Variants in PRSS50 observed in about 807,000 individuals in gnomAD.
PRSS50 encodes probable threonine protease PRSS50.
In PRSS50, 23 loss-of-function variants were observed where a neutral mutation model predicts 34.2. The observed-to-expected ratio is 0.67, with a 90% CI of 0.48 to 0.95. The LOEUF (loss-of-function observed/expected upper bound fraction) is 0.95, where lower values mean the gene tolerates loss of function less well. Ranked by LOEUF, PRSS50 falls within the 40% of genes least tolerant of loss-of-function variation. The probability of loss-of-function intolerance (pLI) is 0.00; values close to 1 mark genes in which losing one functional copy is unlikely to be tolerated. For missense variants in PRSS50, 484 were observed against 513.4 expected (o/e 0.94, Z 0.55); for synonymous variants, 224 against 211.2 (o/e 1.06, Z -0.53).
rs149792396 is a variant in PRSS50, at chr3:46,714,244, G to A, written c.728C>T (p.Thr243Met). Residue 243 changes from threonine to methionine, a missense_variant, in exon 4 of 6, where the codon ACG (threonine) becomes ATG (methionine). Physicochemically the swap from Thr to Met is moderately conservative, Grantham distance 81. Coordinates refer to ENST00000315170, the MANE Select transcript of PRSS50 (RefSeq NM_013270.5). ...GTCAGCCTTGGAAAGTCCCCAGCCC[G>A]TCACAGTGCAGCGGGAATGGTCCTT... Reference protein sequence around the residue: ...VLKDHSRCTVTGWGLSKADGM... With the variant: ...VLKDHSRCTVMGWGLSKADGM... 7.7e-5 allele frequency: 124 copies of A among 1,613,962 alleles called. No individual in the cohort carries two copies. The highest frequency in any genetic ancestry group is 1.6e-4 in the Middle Eastern group (1 of 6,084).
chr3:46,712,274 A>G lies in PRSS50; in HGVS notation c.1130T>C (p.Leu377Pro). Residue 377 changes from leucine to proline, a missense_variant, in exon 6 of 6, where the codon CTG (leucine) becomes CCG (proline). By Grantham distance (98) the Leu-to-Pro change is moderately conservative. Coordinates refer to ENST00000315170, the MANE Select transcript of PRSS50 (RefSeq NM_013270.5). Reference sequence around the variant, plus strand: ...GAGGGCAGCAAGGAGGCTGAGGGGCAGTGGGAGTGCCAGGAGCAGGGTCCT... The same window carrying G: ...GAGGGCAGCAAGGAGGCTGAGGGGCGGTGGGAGTGCCAGGAGCAGGGTCCT... The part of the protein sequence containing the change: ...PSRTLLLALP[L>P]PLSLLAAL The G allele has an allele frequency of 6.2e-7, 1 of 1,611,556 alleles. No homozygotes were observed. Among genetic ancestry groups the G allele is most frequent in the Non-Finnish European group, 8.5e-7 (1 of 1,178,964 alleles).
intron 5 of PRSS50, 58 bp downstream of exon 5, chr3:46,712,843 C>T: frequency 2.5e-6 from 4 of 1,584,546 alleles, no homozygotes; most frequent in Non-Finnish European, 3.5e-6. Context: ...CTCTCCCTCC[C>T]CAGATGCCTC....
chr3:46,714,570 T>TC (rs1372505382), intron 3 of PRSS50, 69 bp from the exon 4 acceptor site: 1 of 1,456,538 alleles, frequency 6.9e-7, no homozygotes, highest in East Asian at 2.5e-5. Flanking sequence ...GCCTGGGCCT[T>TC]CCCCCACTCT....
chr3:46,713,010 T>C lies in PRSS50; in HGVS notation c.812A>G (p.Lys271Arg). Residue 271 changes from lysine (K) to arginine (R), a missense_variant, in exon 5 of 6, where the codon AAA (lysine) becomes AGA (arginine). Lys to Arg is a conservative substitution (Grantham distance 26, BLOSUM62 2). Coordinates refer to ENST00000315170, the MANE Select transcript of PRSS50 (RefSeq NM_013270.5). ...GTTGTGGTAGAAATTGTCACACTCT[T>C]TGTTGTTCAGGATGATGACTTCCTT... ...QEKEVIILNN[K>R]ECDNFYHNFT... The C allele has an allele frequency of 6.2e-7, 1 of 1,614,158 alleles. No homozygotes were observed. Among genetic ancestry groups the C allele is most frequent in the Non-Finnish European group, 8.5e-7 (1 of 1,180,016 alleles).
rs7616942 is a variant in PRSS50, at chr3:46,715,455, A to T, written c.470+80T>A. ...CTGGGGCTGGGACTGTGGGCCCAGA[A>T]CAGCTGGCAGGGAGGGGATGACTGG... On this transcript the variant is annotated intron_variant, in intron 3 of 5. Coordinates refer to ENST00000315170, the MANE Select transcript of PRSS50 (RefSeq NM_013270.5). This position sits in a 1 kb window ranked among gnomAD's most constrained non-coding sequence, Gnocchi z 5.2. 0.05 allele frequency: 76,942 copies of T among 1,536,968 alleles called. 2,873 individuals carry two copies. The highest frequency in any genetic ancestry group is 0.17 in the African/African-American group (12,354 of 73,564).
At chr3:46,713,200 G>T in intron 4 of PRSS50, 133 bp from the exon 5 acceptor site, 1 of 1,120,696 alleles carries the variant, frequency 8.9e-7, no homozygotes, top group Non-Finnish European at 1.3e-6. Flanking sequence ...CCTCGTTCTA[G>T]CCCATACCCA....
In PRSS50 at chr3:46,713,106, G is replaced by A. The variant is rs201032489; in HGVS notation, c.755-39C>T. 504 of 1,605,332 alleles carry A rather than the reference G, an allele frequency of 3.1e-4. 5 individuals are homozygous for A. The South Asian group carries it at 3.8e-3, about 12-fold the overall frequency. On this transcript the variant is annotated intron_variant, in intron 4 of 5. Transcript: ENST00000315170. ...CCCCATTTAGGCGCAGCCACTCACC[G>A]CTGCCCACTACCGCCAGCCTCACTC...
At position 46,715,419 on chromosome 3, in the gene PRSS50, C is replaced by G; in HGVS notation, c.470+116G>C. On this transcript the variant is annotated intron_variant, in intron 3 of 5. Transcript: ENST00000315170. This position sits in a 1 kb window ranked among gnomAD's most constrained non-coding sequence, Gnocchi z 5.2. ...GGACTCAGCCTCCACCTGCTTGGAG[C>G]CCAGATGAGGCTGGGGCTGGGACTG... The G allele has an allele frequency of 7.4e-7, 1 of 1,355,296 alleles. No homozygotes were observed. Among genetic ancestry groups the G allele is most frequent in the African/African-American group, 1.5e-5 (1 of 68,258 alleles). 84.0% of individuals were successfully genotyped at this position (1,355,296 alleles called of 1,614,324 possible).
chr3:46,712,127 A>T lies in PRSS50; in HGVS notation c.*119T>A. On this transcript the variant is annotated 3_prime_UTR_variant, in exon 6 of 6. Transcript: ENST00000315170. ...CGGGGAAGAAGGAGGCATGGAAAAC[A>T]GTAATGTTTAATTGAGCACCTCATC... 1 of 915,222 alleles carries T rather than the reference A, an allele frequency of 1.1e-6. No homozygotes were observed. Among genetic ancestry groups the T allele is most frequent in the Non-Finnish European group, 1.6e-6 (1 of 606,834 alleles). The allele number at this position is 915,222 out of a possible 1,614,324, so 56.7% of individuals were successfully genotyped here.
In PRSS50 at chr3:46,717,656, G is replaced by C. The variant is rs755547994; in HGVS notation, c.107-19C>G. On this transcript the variant is annotated intron_variant, in intron 1 of 5. Coordinates refer to ENST00000315170, the MANE Select transcript of PRSS50 (RefSeq NM_013270.5). The surrounding 1 kb of genome is among the most constrained non-coding windows in gnomAD (Gnocchi z 4.5). ...CAGCAACCTGCGGAGGACGTCGAGC[G>C]GATTAGAGGTGGAAGGCGAGGGCCG... is the stretch of plus-strand genomic sequence containing the variant. 6.2e-7 allele frequency: 1 copy of C among 1,610,004 alleles called. No homozygotes were observed. Among genetic ancestry groups the C allele is most frequent in the East Asian group, 2.2e-5 (1 of 44,688 alleles).
In PRSS50 at chr3:46,712,984, A is replaced by C; in HGVS notation, c.838T>G (p.Phe280Val). Reference sequence around the variant, plus strand: ...TGAACCAGAGTGGGGATTTTGGTGAAGTTGTGGTAGAAATTGTCACACTCT... The same window carrying C: ...TGAACCAGAGTGGGGATTTTGGTGACGTTGTGGTAGAAATTGTCACACTCT... Reference protein sequence around the residue: ...NKECDNFYHNFTKIPTLVQII... With the variant: ...NKECDNFYHNVTKIPTLVQII... The change falls in exon 5 of 6, where the codon TTC (phenylalanine) becomes GTC (valine). Residue 280 changes from phenylalanine (F) to valine (V), a missense_variant. By Grantham distance (50) the Phe-to-Val change is conservative. Transcript: ENST00000315170. 1 of 1,614,124 alleles carries C rather than the reference A, an allele frequency of 6.2e-7. No homozygotes were observed. The highest frequency in any genetic ancestry group is 2.2e-5 in the East Asian group (1 of 44,868).
rs920540910 is a variant in PRSS50 at position 46,716,063 on chromosome 3, C to T, written c.308-366G>A. Among the ~76,000 whole-genome samples the T allele has an allele frequency of 6.6e-6, 1 of 152,202 alleles. No homozygotes were observed. Among genetic ancestry groups the T allele is most frequent in the Non-Finnish European group, 1.5e-5 (1 of 68,036 alleles). ...TCCACCCTCACCATGTCCCCTACTT[C>T]AGCCAAGGCAGAGCTCTCTCCCTCC... On this transcript the variant is annotated intron_variant, in intron 2 of 5. Transcript: ENST00000315170. This position sits in a 1 kb window ranked among gnomAD's most constrained non-coding sequence, Gnocchi z 4.4.
intron 4 of PRSS50, among the ~76,000 whole-genome samples, chr3:46,713,761 G>A (rs1700646630): frequency 1.3e-5 from 2 of 152,352 alleles, no homozygotes; most frequent in South Asian, 4.1e-4. Context: ...ACCAGGAGTT[G>A]AGGCCCACTG....
rs1700673009 is a variant in PRSS50 at position 46,715,722 on chromosome 3, TG to T, written c.308-26del. 1 of 1,559,584 alleles carries T rather than the reference TG, an allele frequency of 6.4e-7. No individual in the cohort carries two copies. ...GCTGAGGAGGAAGGTGAGAGCTTGA[TG>T]AGGGATGGATCTTTCCCTGTCCCTC... On this transcript the variant is annotated intron_variant, in intron 2 of 5. Coordinates refer to ENST00000315170, the MANE Select transcript of PRSS50 (RefSeq NM_013270.5). This position sits in a 1 kb window ranked among gnomAD's most constrained non-coding sequence, Gnocchi z 5.2.
At position 46,714,513 on chromosome 3, in the gene PRSS50, G is replaced by A. The variant is rs756434227; in HGVS notation, c.471-12C>T. ...AGATAACATCACGCCTAGGGGGGCC[G>A]TGAGGGGAGGCCATGATCAGCTCCA... On this transcript the variant is annotated splice_polypyrimidine_tract_variant and intron_variant, in intron 3 of 5. Coordinates refer to ENST00000315170, the MANE Select transcript of PRSS50 (RefSeq NM_013270.5). 73 of 1,557,312 alleles carry A rather than the reference G, an allele frequency of 4.7e-5. No homozygotes were observed. Among genetic ancestry groups the A allele is most frequent in the Middle Eastern group, 4.1e-4 (2 of 4,918 alleles).
Position 46,715,377 on chromosome 3 carries a change from C to T in PRSS50, c.470+158G>A, listed in dbSNP as rs1211747454. The stretch of plus-strand genomic sequence containing the variant: ...CGGTGGGACACTGAAAAGACTGGAG[C>T]TCTGAAGGAATTTTCAGGACTCAGC... On this transcript the variant is annotated intron_variant, in intron 3 of 5. Transcript: ENST00000315170. This position sits in a 1 kb window ranked among gnomAD's most constrained non-coding sequence, Gnocchi z 5.2. Among the ~76,000 whole-genome samples the T allele has an allele frequency of 1.3e-5, 2 of 152,214 alleles. No individual in the cohort carries two copies. The highest frequency in any genetic ancestry group is 4.8e-5 in the African/African-American group (2 of 41,456).
At position 46,712,247 on chromosome 3, in the gene PRSS50, C is replaced by T. The variant is rs746068597; in HGVS notation, c.1157G>A (p.Ter386=). Residue 386 remains the stop codon, a stop_retained_variant, in exon 6 of 6, where the codon TGA becomes TAA. Transcript: ENST00000315170. ...PLPLSLLAAL[*] is the part of the protein sequence containing the mutation. ...ACAAGTGAGGGAGGGCACACAGAGT[C>T]AGAGGGCAGCAAGGAGGCTGAGGGG... is the stretch of plus-strand genomic sequence containing the variant. The T allele has an allele frequency of 6.2e-7, 1 of 1,604,906 alleles. No homozygotes were observed. Among genetic ancestry groups the T allele is most frequent in the East Asian group, 2.2e-5 (1 of 44,630 alleles).
rs780101978 is a variant in PRSS50 at position 46,712,261 on chromosome 3, G to A, written c.1143C>T (p.Leu381=). The A allele has an allele frequency of 5.0e-6, 8 of 1,609,572 alleles. No individual in the cohort carries two copies. The African/African-American group carries it at 1.1e-4, about 22-fold the overall frequency. Residue 381 remains leucine (L), a synonymous_variant, in exon 6 of 6, where the codon CTC becomes CTT. Coordinates refer to ENST00000315170, the MANE Select transcript of PRSS50 (RefSeq NM_013270.5). ...LLLALPLPLS[L]LAAL ...GCACACAGAGTCAGAGGGCAGCAAGGAGGCTGAGGGGCAGTGGGAGTGCCA... is the reference window on the plus strand; with the variant it reads ...GCACACAGAGTCAGAGGGCAGCAAGAAGGCTGAGGGGCAGTGGGAGTGCCA...
intron 3 of PRSS50, 125 bp from the exon 4 acceptor site, chr3:46,714,626 GC>G (rs1215831808): frequency 3.8e-6 from 4 of 1,057,846 alleles, no homozygotes; most frequent in African/African-American, 3.2e-5. Context: ...CCCGCTTCAA[GC>G]CCCCTGAGCC....
Sources: allele counts gnomAD v4.1 joint callset (sites outside exome capture counted in the v4.1 genomes callset), GRCh38; gene constraint gnomAD v4.1.1; non-coding constraint Gnocchi (gnomAD v3.1); transcripts MANE v1.5; gene names NCBI Gene and HGNC (gene_info 2026-07-23, HGNC 2026-07-21).